The following PRKG1 variants were observed in gnomAD, a reference collection of about 807,000 sequenced individuals.
The protein encoded by PRKG1 is protein kinase cGMP-dependent 1.
PRKG1 carries 35 observed loss-of-function variants against 88.1 expected under a neutral mutation model. The observed-to-expected ratio is 0.40, with a 90% CI of 0.30 to 0.53. PRKG1 has a LOEUF of 0.53. PRKG1 is among the 20% of genes least tolerant of loss of function. The probability of loss-of-function intolerance (pLI) is 0.59; values close to 1 mark genes in which losing one functional copy is unlikely to be tolerated. For missense variants in PRKG1, 540 were observed against 839.8 expected (o/e 0.64, Z 4.41); for synonymous variants, 303 against 292.5 (o/e 1.04, Z -0.37).
intron 5 of PRKG1, among the ~76,000 whole-genome samples, chr10:51,945,438 G>A (rs1022258824): frequency 4.0e-5 from 6 of 149,652 alleles, no homozygotes; most frequent in Non-Finnish European, 8.9e-5. Context: ...TTTAATTGGA[G>A]CATTTAGTCC....
chr10:52,107,774 G>C (rs60830257), intron 7 of PRKG1, among the ~76,000 whole-genome samples: 2 of 151,994 alleles, frequency 1.3e-5, no homozygotes, highest in African/African-American at 4.8e-5. Context: ...CCAATGTGTC[G>C]CTTTCCAATG....
At chr10:51,602,732 A>ATATGTGTG (rs1477531011) in intron 3 of PRKG1, among the ~76,000 whole-genome samples, 1 of 128,876 alleles carries the variant, frequency 7.8e-6, no homozygotes, top group African/African-American at 3.8e-5. Context: ...ATTAATATAT[A>ATATGTGTG]TGTGTGTGTG....
chr10:52,086,130 C>T (rs570450216), intron 7 of PRKG1, among the ~76,000 whole-genome samples: 1 of 151,994 alleles, frequency 6.6e-6, no homozygotes, highest in South Asian at 2.1e-4. Flanking sequence ...TGAATGTGTA[C>T]TATGCTTTTA....
chr10:52,115,002 T>C (rs912389802), intron 7 of PRKG1, among the ~76,000 whole-genome samples: 1 of 152,098 alleles, frequency 6.6e-6, no homozygotes, highest in East Asian at 1.9e-4. Context: ...ACACGAAATA[T>C]CATGGGTGTA....
intron 1 of PRKG1, among the ~76,000 whole-genome samples, chr10:51,061,416 G>T (rs929885276): frequency 6.6e-6 from 1 of 152,130 alleles, no homozygotes; most frequent in Admixed American, 6.5e-5. Context: ...TTCAAAATGA[G>T]ATTTGGGTGG....
At chr10:51,948,722 C>T (rs943672431) in intron 5 of PRKG1, among the ~76,000 whole-genome samples, 3 of 152,088 alleles carry the variant, frequency 2.0e-5, no homozygotes, top group African/African-American at 7.2e-5. Context: ...ATCATCACCA[C>T]CACAACCTTT....
At chr10:51,094,484 A>C (rs964145790) in intron 1 of PRKG1, among the ~76,000 whole-genome samples, 1 of 152,124 alleles carries the variant, frequency 6.6e-6, no homozygotes, top group African/African-American at 2.4e-5. Context: ...TAAAATCTGT[A>C]ACATAAATGC....
rs1418399796 is a variant in PRKG1 at position 52,295,991 on chromosome 10, A to T, written c.*2091A>T. On this transcript the variant is annotated 3_prime_UTR_variant, in exon 18 of 18. Transcript: ENST00000373980. The stretch of plus-strand genomic sequence containing the variant: ...TTTAGAATATAAAATTAAACATATC[A>T]ACCTAAAATCTAGCTATGAATGTTA... The T allele has an allele frequency of 2.0e-5, 3 of 152,026 alleles. No individual in the cohort carries two copies. Among genetic ancestry groups the T allele is most frequent in the Admixed American group, 2.0e-4 (3 of 15,238 alleles). 9.4% of individuals were successfully genotyped at this position (152,026 alleles called of 1,614,324 possible).
intron 7 of PRKG1, among the ~76,000 whole-genome samples, chr10:52,130,969 G>A (rs1837238654): frequency 6.6e-6 from 1 of 152,186 alleles, no homozygotes; most frequent in South Asian, 2.1e-4. Context: ...CAGGCACTAT[G>A]TTAAACTTAC....
intron 3 of PRKG1, among the ~76,000 whole-genome samples, chr10:51,728,449 CTTTGT>C (rs1232506541): frequency 1.2e-4 from 7 of 57,916 alleles, no homozygotes; most frequent in South Asian, 5.0e-4. Flanking sequence ...TCCATTTTTT[CTTTGT>C]TTTTTTTTTT....
intron 3 of PRKG1, among the ~76,000 whole-genome samples, chr10:51,784,888 C>A (rs1838688893): frequency 6.6e-6 from 1 of 151,858 alleles, no homozygotes; most frequent in Admixed American, 6.6e-5. Context: ...TATTAAAAGG[C>A]CAAGTGTATT....
intron 4 of PRKG1, among the ~76,000 whole-genome samples, chr10:51,905,733 A>C (rs569210344): frequency 6.6e-6 from 1 of 152,176 alleles, no homozygotes; most frequent in Non-Finnish European, 1.5e-5. Context: ...AAAGAAGGGA[A>C]CTAACATTGT....
intron 1 of PRKG1, among the ~76,000 whole-genome samples, chr10:51,023,524 A>G (rs1245849690): frequency 6.6e-6 from 1 of 152,188 alleles, no homozygotes; most frequent in Non-Finnish European, 1.5e-5. Context: ...ACTAGAAGAA[A>G]TCGTGACCTG....
rs748117556 is a variant in PRKG1, at chr10:51,698,475, GGGGTGGACCCAGATA to G, written c.593-106109_593-106095del. Reference sequence around the variant, plus strand: ...GCATGATGCATGGGGGGACCCTGATGGGGTGGACCCAGATAACCTCTGGGCTCCACTTCTCCAGTG... The same window carrying G: ...GCATGATGCATGGGGGGACCCTGATGACCTCTGGGCTCCACTTCTCCAGTG... On this transcript the variant is annotated intron_variant, in intron 3 of 17. Transcript: ENST00000373980. The G allele has an allele frequency of 3.1e-6, 5 of 1,614,114 alleles. No individual in the cohort carries two copies. The Admixed American group carries it at 8.3e-5, about 27-fold the overall frequency.
chr10:51,791,655 A>G (rs1838872895), intron 3 of PRKG1, among the ~76,000 whole-genome samples: 1 of 152,132 alleles, frequency 6.6e-6, no homozygotes, highest in Admixed American at 6.6e-5. Context: ...AGCCGATATA[A>G]CTCAGGTATA....
chr10:51,625,860 G>A (rs979316360), intron 3 of PRKG1, among the ~76,000 whole-genome samples: 2 of 152,156 alleles, frequency 1.3e-5, no homozygotes, highest in African/African-American at 4.8e-5. Context: ...CTGGGTTATA[G>A]CTTTTCTCCC....
chr10:52,012,604 C>G lies in PRKG1; in HGVS notation c.763-41880C>G, dbSNP rs373438174. Among the ~76,000 whole-genome samples the G allele has an allele frequency of 3.2e-3, 491 of 152,206 alleles. 4 individuals carry two copies. The highest frequency in any genetic ancestry group is 0.011 in the African/African-American group (443 of 41,522). ...GTTTCACCATGTTGGCCAGGCTGGT[C>G]TCAAACTCCTGACCTCAAGTGATTT... On this transcript the variant is annotated intron_variant, in intron 5 of 17. Transcript: ENST00000373980.
rs539618384 is a variant in PRKG1, at chr10:51,249,083, A to T, written c.478+95753A>T. 2.6e-5 allele frequency among the ~76,000 whole-genome samples: 4 copies of T among 151,996 alleles called. No homozygotes were observed. The East Asian group carries it at 7.7e-4, about 29-fold the overall frequency. On this transcript the variant is annotated intron_variant, in intron 2 of 17. Coordinates refer to ENST00000373980, the MANE Select transcript of PRKG1 (RefSeq NM_006258.4). ...CATTTATAAAATTTTTAAAAACATG[A>T]TAAATTTTTTTAAGAGGCGAGGAAG...
intron 2 of PRKG1, among the ~76,000 whole-genome samples, chr10:51,271,600 A>G (rs1045587685): frequency 2.0e-5 from 3 of 152,196 alleles, no homozygotes; most frequent in Non-Finnish European, 4.4e-5. Flanking sequence ...TATTTTCAAA[A>G]TATTTTAAAT....
Sources: gnomAD v4.1 joint callset for allele counts (sites outside exome capture counted in the v4.1 genomes callset) on GRCh38, gnomAD v4.1.1 for gene constraint, MANE v1.5 for transcripts, NCBI Gene and HGNC (gene_info 2026-07-23, HGNC 2026-07-21) for gene names.